EPB41L2: variants seen among roughly 807,000 people sequenced by gnomAD.
EPB41L2 encodes band 4.1-like protein 2.
A neutral mutation model predicts 113.0 loss-of-function variants in EPB41L2; 43 were observed. The observed-to-expected ratio is 0.38, with a 90% CI of 0.30 to 0.49. EPB41L2 has a LOEUF of 0.49. Ranked by LOEUF, EPB41L2 falls within the 20% of genes least tolerant of loss-of-function variation. The probability of loss-of-function intolerance (pLI) is 0.95; values close to 1 mark genes in which losing one functional copy is unlikely to be tolerated. For missense variants in EPB41L2, 1,147 were observed against 1,223.4 expected (o/e 0.94, Z 0.93); for synonymous variants, 442 against 436.7 (o/e 1.01, Z -0.15).
At chr6:130,940,510 G>A (rs1266672393) in intron 3 of EPB41L2, among the ~76,000 whole-genome samples, 1 of 150,852 alleles carries the variant, frequency 6.6e-6, no homozygotes, top group Non-Finnish European at 1.5e-5. Flanking sequence ...CTGTCGCCCA[G>A]GCTGCACTGC....
chr6:130,994,287 C>T (rs1346117740), intron 1 of EPB41L2, among the ~76,000 whole-genome samples: 5 of 152,192 alleles, frequency 3.3e-5, no homozygotes, highest in Non-Finnish European at 4.4e-5. Flanking sequence ...AATCACACTT[C>T]AAGGACAAGC....
At chr6:130,972,985 G>A (rs1367922014) in intron 1 of EPB41L2, among the ~76,000 whole-genome samples, 5 of 144,216 alleles carry the variant, frequency 3.5e-5, no homozygotes, top group African/African-American at 1.3e-4. Context: ...GGTGGCGCAC[G>A]CCTGTAATCC....
chr6:130,865,568 C>T lies in EPB41L2; in HGVS notation c.2797G>A (p.Val933Met), dbSNP rs145851233. The change falls in exon 17 of 20, where the codon GTG (valine) becomes ATG (methionine). Residue 933 changes from valine (V) to methionine (M), a missense_variant. Transcript: ENST00000337057. The stretch of plus-strand genomic sequence containing the variant: ...ATGTGTGTGGTTGTCGTTGTTGACA[C>T]GGACTCAGATGTGATGGTTTGTGCG... ...LTAQTITSES[V>M]STTTTTHITK... The T allele has an allele frequency of 9.9e-6, 16 of 1,614,016 alleles. No individual in the cohort carries two copies. The highest frequency in any genetic ancestry group is 2.7e-5 in the African/African-American group (2 of 74,904).
Position 131,021,761 on chromosome 6 carries a change from C to T in EPB41L2, c.-15+41394G>A, listed in dbSNP as rs571698228. Among the ~76,000 whole-genome samples, 4 of 152,206 alleles carry T rather than the reference C, an allele frequency of 2.6e-5. No individual in the cohort carries two copies. The East Asian group carries it at 5.8e-4, about 22-fold the overall frequency. On this transcript the variant is annotated intron_variant, in intron 1 of 19. Transcript: ENST00000337057. Reference sequence around the variant, plus strand: ...TATACTAATTTAATCCTTACAAAAACCCTATGAAGTAAAAACTATTCTTAC... The same window carrying T: ...TATACTAATTTAATCCTTACAAAAATCCTATGAAGTAAAAACTATTCTTAC...
At chr6:130,993,089 A>T (rs1046758248) in intron 1 of EPB41L2, among the ~76,000 whole-genome samples, 2 of 152,228 alleles carry the variant, frequency 1.3e-5, no homozygotes, top group Non-Finnish European at 2.9e-5. Flanking sequence ...CAGTTTTCTC[A>T]ATCTTTGTGT....
At chr6:130,876,789 CAATAG>C (rs1787706983) in intron 14 of EPB41L2, 1 of 1,291,150 alleles carries the variant, frequency 7.7e-7, no homozygotes, top group Non-Finnish European at 1.0e-6. Flanking sequence ...TTGTTTTAAA[CAATAG>C]ACATAATCAA....
chr6:130,924,539 C>T (rs925576498), intron 4 of EPB41L2, among the ~76,000 whole-genome samples: 5 of 152,122 alleles, frequency 3.3e-5, no homozygotes, highest in Non-Finnish European at 5.9e-5. Flanking sequence ...CCACCATGCC[C>T]GACTAATTTT....
chr6:131,059,854 C>T (rs937322134), intron 1 of EPB41L2, among the ~76,000 whole-genome samples: 2 of 151,972 alleles, frequency 1.3e-5, no homozygotes, highest in African/African-American at 4.8e-5. Context: ...TGGTTAGGTA[C>T]AGTAATTCTG....
At chr6:130,900,815 C>A in intron 7 of EPB41L2, 147 bp downstream of exon 7, 1 of 772,582 alleles carries the variant, frequency 1.3e-6, no homozygotes, top group Non-Finnish European at 2.1e-6. Context: ...CTCAAGGGCT[C>A]CACGTTGCCT....
intron 1 of EPB41L2, among the ~76,000 whole-genome samples, chr6:131,051,144 A>G (rs1473687687): frequency 6.6e-6 from 1 of 152,116 alleles, no homozygotes. Flanking sequence ...CTTCTTGACC[A>G]ATAACATATC....
chr6:130,858,121 G>A lies in EPB41L2; in HGVS notation c.*5+10C>T. 6.3e-7 allele frequency: 1 copy of A among 1,598,518 alleles called. No homozygotes were observed. ...ACTAGAAAGGCCACAGACAATGAGG[G>A]CTCTCTTACCTTACTTAATCTTCCC... On this transcript the variant is annotated intron_variant, in intron 19 of 19. Coordinates refer to ENST00000337057, the MANE Select transcript of EPB41L2 (RefSeq NM_001431.4).
chr6:130,953,216 C>G (rs781040041), intron 3 of EPB41L2, among the ~76,000 whole-genome samples: 12 of 151,910 alleles, frequency 7.9e-5, no homozygotes, highest in Non-Finnish European at 1.3e-4. Flanking sequence ...GTTCAAAAAA[C>G]CATTCTGTCC....
At chr6:131,053,605 T>G (rs1797056872) in intron 1 of EPB41L2, among the ~76,000 whole-genome samples, 1 of 152,134 alleles carries the variant, frequency 6.6e-6, no homozygotes, top group South Asian at 2.1e-4. Flanking sequence ...GCTGCTTAAC[T>G]GATCGCAGGT....
At chr6:130,865,856 G>A (rs1414509083) in intron 16 of EPB41L2, 2 of 519,088 alleles carry the variant, frequency 3.9e-6, no homozygotes, top group Non-Finnish European at 6.9e-6. Context: ...GTGGAGAAAA[G>A]AGAGGAGAAT....
chr6:130,960,688 C>T (rs1773269381), intron 1 of EPB41L2, among the ~76,000 whole-genome samples: 1 of 152,166 alleles, frequency 6.6e-6, no homozygotes, highest in Non-Finnish European at 1.5e-5. Flanking sequence ...AAAACACTAC[C>T]TTCTTTGTTG....
chr6:130,890,877 C>G (rs545698251), intron 10 of EPB41L2, among the ~76,000 whole-genome samples: 64 of 152,330 alleles, frequency 4.2e-4, no homozygotes, highest in African/African-American at 1.4e-3. Flanking sequence ...AAGAAAACAT[C>G]TAACTCAGGA....
At chr6:130,905,982 T>G (rs972862455) in intron 5 of EPB41L2, among the ~76,000 whole-genome samples, 3 of 152,212 alleles carry the variant, frequency 2.0e-5, no homozygotes, top group Non-Finnish European at 4.4e-5. Flanking sequence ...GAAGCAGATT[T>G]CAGTTCTGCT....
At chr6:131,032,285 A>T (rs374000847) in intron 1 of EPB41L2, among the ~76,000 whole-genome samples, 1 of 146,386 alleles carries the variant, frequency 6.8e-6, no homozygotes, top group East Asian at 1.9e-4. Flanking sequence ...TTTCATCCCT[A>T]AAATGCAGTA....
intron 1 of EPB41L2, among the ~76,000 whole-genome samples, chr6:131,009,874 T>C (rs1786499940): frequency 6.6e-6 from 1 of 152,226 alleles, no homozygotes; most frequent in South Asian, 2.1e-4. Flanking sequence ...GCAACTATGT[T>C]CTGCCACCGT....
Sources: allele counts gnomAD v4.1 joint callset (sites outside exome capture counted in the v4.1 genomes callset), GRCh38; gene constraint gnomAD v4.1.1; transcripts MANE v1.5; gene names NCBI Gene and HGNC (gene_info 2026-07-23, HGNC 2026-07-21).